Variants in CLVS1 observed in about 807,000 individuals in gnomAD.
The protein encoded by CLVS1 is clavesin-1.
CLVS1 carries 10 observed loss-of-function variants against 33.1 expected under a neutral mutation model. That is an observed-to-expected ratio of 0.30 (90% CI 0.19 to 0.51). The LOEUF is 0.51. Ranked by LOEUF, CLVS1 falls within the 20% of genes least tolerant of loss-of-function variation. CLVS1 has a pLI of 0.97. For synonymous variants in CLVS1, 163 were observed against 166.1 expected, an observed-to-expected ratio of 0.98 and a Z score of 0.14; for missense variants, 343 against 433.4, an observed-to-expected ratio of 0.79 and a Z score of 1.85.
chr8:61,222,260 T>C (rs752670903), intron 2 of CLVS1, among the ~76,000 whole-genome samples: 7 of 152,198 alleles, frequency 4.6e-5, no homozygotes, highest in Non-Finnish European at 1.0e-4. Context: ...TCTAGTTTTT[T>C]TAATTGTGAT....
chr8:61,077,995 C>G (rs143050362), intron 1 of CLVS1, among the ~76,000 whole-genome samples: 284 of 152,302 alleles, frequency 1.9e-3, no homozygotes, highest in Middle Eastern at 6.8e-3. Context: ...ATCAGACCTC[C>G]CCTGCTGTCC....
At chr8:61,405,362 G>A (rs1392971433) in intron 3 of CLVS1, among the ~76,000 whole-genome samples, 2 of 152,148 alleles carry the variant, frequency 1.3e-5, no homozygotes, top group Non-Finnish European at 2.9e-5. Flanking sequence ...AAAGCAGCTA[G>A]TTCAGCTCCC....
chr8:61,439,240 TG>T (rs1429708906), intron 3 of CLVS1, among the ~76,000 whole-genome samples: 3 of 152,202 alleles, frequency 2.0e-5, no homozygotes, highest in Non-Finnish European at 4.4e-5. Flanking sequence ...CTCCATCAAA[TG>T]GCTTTTAAAT....
the CLVS1 span, among the ~76,000 whole-genome samples, chr8:61,043,322 C>A: frequency 3.9e-5 from 6 of 152,202 alleles, no homozygotes; most frequent in African/African-American, 1.4e-4. Flanking sequence ...GGTAGTTAAT[C>A]AAAAGCAGCA....
chr8:61,333,475 G>A (rs80298246), intron 2 of CLVS1, among the ~76,000 whole-genome samples: 1 of 152,126 alleles, frequency 6.6e-6, no homozygotes, highest in African/African-American at 2.4e-5. Context: ...TGGGAAATTA[G>A]AAACATTGAG....
At chr8:61,096,965 G>T (rs1459960423) in intron 1 of CLVS1, among the ~76,000 whole-genome samples, 1 of 152,132 alleles carries the variant, frequency 6.6e-6, no homozygotes, top group African/African-American at 2.4e-5. Flanking sequence ...GATCCTGCAG[G>T]ATTCTGTGAA....
chr8:61,394,737 T>C (rs1317628939), intron 3 of CLVS1, among the ~76,000 whole-genome samples: 2 of 152,156 alleles, frequency 1.3e-5, no homozygotes, highest in African/African-American at 2.4e-5. Context: ...GCTCTCTTTT[T>C]AGTTTTTTTG....
intron 2 of CLVS1, among the ~76,000 whole-genome samples, chr8:61,273,267 G>T (rs969087610): frequency 1.3e-5 from 2 of 152,144 alleles, no homozygotes; most frequent in African/African-American, 2.4e-5. Flanking sequence ...GTGTCAGTCT[G>T]CCCCTGCTGG....
chr8:61,328,766 C>A (rs1395870192), intron 2 of CLVS1, among the ~76,000 whole-genome samples: 1 of 152,116 alleles, frequency 6.6e-6, no homozygotes, highest in Non-Finnish European at 1.5e-5. Flanking sequence ...GGAGGGAAGT[C>A]CCCTGGAAGC....
At chr8:61,142,326 T>C (rs1806322118) in intron 2 of CLVS1, among the ~76,000 whole-genome samples, 1 of 152,170 alleles carries the variant, frequency 6.6e-6, no homozygotes, top group Non-Finnish European at 1.5e-5. Flanking sequence ...TCCACCATGA[T>C]TGCAAGTTTC....
chr8:61,003,621 C>T, the CLVS1 span, among the ~76,000 whole-genome samples: 1 of 152,172 alleles, frequency 6.6e-6, no homozygotes, highest in Non-Finnish European at 1.5e-5. Context: ...TGAACTGGTC[C>T]GTCTTGTGCC....
chr8:61,173,708 C>T (rs536796066), intron 2 of CLVS1, among the ~76,000 whole-genome samples: 3 of 152,228 alleles, frequency 2.0e-5, no homozygotes, highest in African/African-American at 7.2e-5. Context: ...TCAAATGAAA[C>T]TCAGGTGATT....
At chr8:61,288,670 G>A (rs16927143) in intron 1 of CLVS1, among the ~76,000 whole-genome samples, 2,508 of 152,310 alleles carry the variant, frequency 0.016, 77 homozygotes, top group African/African-American at 0.058. Context: ...GGTCTGTTTA[G>A]TTGAGGAAAT....
intron 1 of CLVS1, among the ~76,000 whole-genome samples, chr8:61,102,610 C>T (rs1026828773): frequency 1.3e-5 from 2 of 152,046 alleles, no homozygotes; most frequent in Admixed American, 6.5e-5. Context: ...CCTAGTTGCC[C>T]TGGCTGAAAA....
At chr8:61,396,105 G>A (rs567665283) in intron 3 of CLVS1, among the ~76,000 whole-genome samples, 2 of 152,066 alleles carry the variant, frequency 1.3e-5, no homozygotes, top group South Asian at 2.1e-4. Flanking sequence ...ATTTTAAAAC[G>A]TTCCATCCTT....
At chr8:61,232,023 G>GTTTGTTTGTTTTTTTTTTTTTTTTT in intron 2 of CLVS1, among the ~76,000 whole-genome samples, 1 of 62,628 alleles carries the variant, frequency 1.6e-5, no homozygotes, top group African/African-American at 4.7e-5. Context: ...GAAAGTTGTG[G>GTTTGTTTGTTTTTTTTTTTTTTTTT]TTTTTTTTTT....
the CLVS1 span, among the ~76,000 whole-genome samples, chr8:60,970,286 G>A: frequency 6.6e-6 from 1 of 152,188 alleles, no homozygotes; most frequent in Non-Finnish European, 1.5e-5. Flanking sequence ...GGTCTGCCCT[G>A]GAGCCCTCTG....
At chr8:61,433,767 A>G (rs1816203045) in intron 3 of CLVS1, among the ~76,000 whole-genome samples, 1 of 152,058 alleles carries the variant, frequency 6.6e-6, no homozygotes, top group South Asian at 2.1e-4. Flanking sequence ...TACAAAAATT[A>G]GCCAGGTGTG....
At chr8:61,180,341 GT>G (rs987317453) in intron 2 of CLVS1, among the ~76,000 whole-genome samples, 1 of 152,140 alleles carries the variant, frequency 6.6e-6, no homozygotes, top group Non-Finnish European at 1.5e-5. Flanking sequence ...AATTGAGGCA[GT>G]AATTAATAGC....
Sources: gnomAD v4.1 joint callset for allele counts (sites outside exome capture counted in the v4.1 genomes callset) on GRCh38, gnomAD v4.1.1 for gene constraint, MANE v1.5 for transcripts, NCBI Gene and HGNC (gene_info 2026-07-23, HGNC 2026-07-21) for gene names.